Variants in PRKCH observed in about 807,000 individuals in gnomAD.
PRKCH encodes the protein protein kinase C eta.
PRKCH carries 28 observed loss-of-function variants against 82.5 expected under a neutral mutation model. The observed-to-expected ratio is 0.34, with a 90% confidence interval of 0.25 to 0.47. PRKCH has a LOEUF of 0.47. Ranked by LOEUF, PRKCH falls within the 20% of genes least tolerant of loss-of-function variation. PRKCH has a pLI of 1.00. For synonymous variants in PRKCH, 322 were observed against 327.4 expected (o/e 0.98, Z 0.18); for missense variants, 705 against 881.8 (o/e 0.80, Z 2.54).
intron 1 of PRKCH, among the ~76,000 whole-genome samples, chr14:61,215,437 C>G (rs1378685968): frequency 6.6e-6 from 1 of 152,148 alleles, no homozygotes; most frequent in Non-Finnish European, 1.5e-5. Flanking sequence ...TCAACTCTTA[C>G]CTAAATTTCT....
intron 2 of PRKCH, among the ~76,000 whole-genome samples, chr14:61,418,626 G>A (rs1882681288): frequency 6.6e-6 from 1 of 152,218 alleles, no homozygotes; most frequent in Admixed American, 6.5e-5. Context: ...AGATTGGCCA[G>A]CAGTTTTTAT....
At chr14:61,544,243 A>G (rs1365198938) in intron 12 of PRKCH, 2 of 152,208 alleles carry the variant, frequency 1.3e-5, no homozygotes, top group African/African-American at 4.8e-5. Flanking sequence ...CTGGTGCCCC[A>G]TGAAAAGCAG....
intron 10 of PRKCH, among the ~76,000 whole-genome samples, chr14:61,517,298 C>T (rs1431569576): frequency 6.6e-6 from 1 of 151,718 alleles, no homozygotes; most frequent in Admixed American, 6.5e-5. Flanking sequence ...CTGCAACTTT[C>T]ACTGCTTGCT....
intron 10 of PRKCH, among the ~76,000 whole-genome samples, chr14:61,520,236 C>T (rs1236776485): frequency 6.6e-6 from 1 of 152,136 alleles, no homozygotes; most frequent in Non-Finnish European, 1.5e-5. Flanking sequence ...TGGAAATAGA[C>T]TTTTATGTTT....
chr14:61,368,237 G>A (rs2046322073), intron 1 of PRKCH, among the ~76,000 whole-genome samples: 1 of 151,758 alleles, frequency 6.6e-6, no homozygotes. Flanking sequence ...TCCAACATCT[G>A]CTGTAGATTT....
intron 1 of PRKCH, among the ~76,000 whole-genome samples, chr14:61,247,859 T>C (rs1167549313): frequency 6.6e-6 from 1 of 152,080 alleles, no homozygotes; most frequent in African/African-American, 2.4e-5. Flanking sequence ...AGTTACACAG[T>C]TACCTGAAGA....
Position 61,550,054 on chromosome 14 carries a change from T to G in PRKCH, c.*223T>G. 2 of 503,054 alleles carry G rather than the reference T, an allele frequency of 4.0e-6. No individual in the cohort carries two copies. The highest frequency in any genetic ancestry group is 3.5e-6 in the Non-Finnish European group (1 of 286,848). The allele number at this position is 503,054 out of a possible 1,614,324, so 31.2% of individuals were successfully genotyped here. A position where few individuals can be genotyped will look rare whatever the true frequency, so the allele number is the denominator to read the frequency against. The stretch of plus-strand genomic sequence containing the variant: ...TAGTTGATAATGAAATGAGATTTTA[T>G]GAAGTATACCGCTCCACCTATGAGC... On this transcript the variant is annotated 3_prime_UTR_variant, in exon 14 of 14. Coordinates refer to ENST00000332981, the MANE Select transcript of PRKCH (RefSeq NM_006255.5).
upstream of PRKCH, among the ~76,000 whole-genome samples, chr14:61,316,642 T>C (rs2045563765): frequency 6.6e-6 from 1 of 152,200 alleles, no homozygotes; most frequent in South Asian, 2.1e-4. Flanking sequence ...TGGATAAAAG[T>C]TGTTACATAG....
intron 1 of PRKCH, among the ~76,000 whole-genome samples, chr14:61,273,191 G>A (rs2045173572): frequency 6.6e-6 from 1 of 152,114 alleles, no homozygotes; most frequent in Admixed American, 6.6e-5. Flanking sequence ...GCTACTTAGT[G>A]CTCAGGGAAA....
chr14:61,220,259 A>G (rs2044645565), intron 1 of PRKCH, among the ~76,000 whole-genome samples: 1 of 152,208 alleles, frequency 6.6e-6, no homozygotes, highest in Non-Finnish European at 1.5e-5. Context: ...GTCAGGGAGC[A>G]CAGTCTTCCT....
rs777314152 is a variant in PRKCH, at chr14:61,550,221, C to G, written c.*390C>G. ...AAGACGTTCTGTCAACTGTGCTGTG[C>G]TCTTCTTTAAGCCAATGAACCCCAA... On this transcript the variant is annotated 3_prime_UTR_variant, in exon 14 of 14. Transcript: ENST00000332981. The G allele has an allele frequency of 8.5e-5, 14 of 164,064 alleles. No homozygotes were observed. The highest frequency in any genetic ancestry group is 1.5e-4 in the Non-Finnish European group (11 of 75,694). The allele number at this position is 164,064 out of a possible 1,614,324, so 10.2% of individuals were successfully genotyped here.
intron 12 of PRKCH, chr14:61,544,241 C>T (rs994868086): frequency 2.0e-5 from 3 of 152,078 alleles, no homozygotes; most frequent in African/African-American, 7.3e-5. Flanking sequence ...ATCTGGTGCC[C>T]CATGAAAAGC....
At chr14:61,527,053 T>G (rs183872073) in intron 10 of PRKCH, among the ~76,000 whole-genome samples, 15 of 152,350 alleles carry the variant, frequency 9.8e-5, no homozygotes, top group African/African-American at 3.4e-4. Flanking sequence ...CCCTGGGGTA[T>G]GGGTGGCAAC....
intron 2 of PRKCH, among the ~76,000 whole-genome samples, chr14:61,396,125 A>G (rs554794316): frequency 1.2e-4 from 18 of 152,036 alleles, no homozygotes; most frequent in African/African-American, 4.3e-4. Flanking sequence ...ATTTTATACA[A>G]GAAGCCTCAA....
intron 10 of PRKCH, among the ~76,000 whole-genome samples, chr14:61,509,105 G>A (rs1887270368): frequency 6.6e-6 from 1 of 152,130 alleles, no homozygotes; most frequent in African/African-American, 2.4e-5. Context: ...GATAGAAGTG[G>A]ACTCTAGAAA....
intron 1 of PRKCH, among the ~76,000 whole-genome samples, chr14:61,301,622 G>T (rs908070047): frequency 6.6e-6 from 1 of 152,166 alleles, no homozygotes; most frequent in African/African-American, 2.4e-5. Flanking sequence ...CAGGAGGATT[G>T]CTTGAGCTCA....
At chr14:61,444,774 C>A (rs1036682916) in intron 3 of PRKCH, among the ~76,000 whole-genome samples, 2 of 152,170 alleles carry the variant, frequency 1.3e-5, no homozygotes, top group African/African-American at 4.8e-5. Context: ...AAAATAGACA[C>A]AACAATCTTA....
chr14:61,419,659 T>TG (rs919918056), intron 2 of PRKCH, among the ~76,000 whole-genome samples: 1 of 152,202 alleles, frequency 6.6e-6, no homozygotes, highest in African/African-American at 2.4e-5. Context: ...TGAGACCTGG[T>TG]GGGGCGTTCT....
chr14:61,295,283 C>T (rs757744900), intron 1 of PRKCH, among the ~76,000 whole-genome samples: 6 of 152,150 alleles, frequency 3.9e-5, no homozygotes, highest in African/African-American at 1.2e-4. Flanking sequence ...CAAAGAGAGT[C>T]CTGTGGTCTC....
Sources: allele counts gnomAD v4.1 joint callset (sites outside exome capture counted in the v4.1 genomes callset), GRCh38; gene constraint gnomAD v4.1.1; transcripts MANE v1.5; gene names NCBI Gene and HGNC (gene_info 2026-07-23, HGNC 2026-07-21).